Variants in ADGRB3 observed in about 807,000 individuals in gnomAD.
The protein encoded by ADGRB3 is adhesion G protein-coupled receptor B3.
In ADGRB3, 37 loss-of-function variants were observed where a neutral mutation model predicts 193.4. That is an observed-to-expected ratio of 0.19 (90% CI 0.15 to 0.25). The LOEUF (loss-of-function observed/expected upper bound fraction) is 0.25. Ranked by LOEUF, ADGRB3 falls within the 10% of genes least tolerant of loss-of-function variation. ADGRB3 has a pLI of 1.00. For missense variants in ADGRB3, 1,637 were observed against 1,852.9 expected, an observed-to-expected ratio of 0.88 and a Z score of 2.14; for synonymous variants, 690 against 644.2, an observed-to-expected ratio of 1.07 and a Z score of -1.08.
At chr6:69,045,582 A>G in intron 13 of ADGRB3, among the ~76,000 whole-genome samples, 1 of 152,152 alleles carries the variant, frequency 6.6e-6, no homozygotes, top group East Asian at 1.9e-4. Flanking sequence ...TAGCTATACC[A>G]CAATGTATAC....
chr6:69,207,046 A>G (rs998044187), intron 17 of ADGRB3, among the ~76,000 whole-genome samples: 1 of 152,154 alleles, frequency 6.6e-6, no homozygotes, highest in Non-Finnish European at 1.5e-5. Context: ...GACTGATTTC[A>G]TCTTGATAGT....
chr6:68,786,506 G>A (rs1254642146), intron 3 of ADGRB3, among the ~76,000 whole-genome samples: 1 of 151,986 alleles, frequency 6.6e-6, no homozygotes, highest in African/African-American at 2.4e-5. Flanking sequence ...CTGTTCCATT[G>A]GTCTATATCT....
intron 3 of ADGRB3, among the ~76,000 whole-genome samples, chr6:68,883,397 C>G (rs1208841332): frequency 6.6e-6 from 1 of 152,176 alleles, no homozygotes; most frequent in Non-Finnish European, 1.5e-5. Flanking sequence ...CAGGCTGCAG[C>G]ACCAGCTGCG....
At chr6:68,927,664 G>A (rs990728899) in intron 3 of ADGRB3, among the ~76,000 whole-genome samples, 2 of 151,922 alleles carry the variant, frequency 1.3e-5, no homozygotes, top group African/African-American at 4.8e-5. Context: ...TTAGGTAATA[G>A]TTTATATATT....
intron 20 of ADGRB3, among the ~76,000 whole-genome samples, chr6:69,261,969 G>A (rs1423102563): frequency 1.3e-5 from 2 of 151,988 alleles, no homozygotes; most frequent in Non-Finnish European, 2.9e-5. Flanking sequence ...CAGGTTACAA[G>A]CATAATCAAC....
intron 3 of ADGRB3, among the ~76,000 whole-genome samples, chr6:68,652,837 A>G (rs1481023117): frequency 1.3e-5 from 2 of 152,136 alleles, no homozygotes; most frequent in East Asian, 3.9e-4. Context: ...TTTACACATA[A>G]TGAATATCCT....
At chr6:69,021,274 A>AT (rs1770255346) in intron 13 of ADGRB3, among the ~76,000 whole-genome samples, 1 of 151,868 alleles carries the variant, frequency 6.6e-6, no homozygotes. Flanking sequence ...ATTATAAATT[A>AT]TTTTTTCATA....
rs771355385 is a variant in ADGRB3 at position 69,324,921 on chromosome 6, C to T, written c.2864C>T (p.Ser955Leu). The T allele has an allele frequency of 6.2e-7, 1 of 1,613,890 alleles. No homozygotes were observed. ...TAFLHFFFLA[S>L]FCWVLTEAWQ... ...TTTTTGCACTTTTTCTTCCTGGCTT[C>T]ATTCTGTTGGGTTTTGACTGAGGCG... Residue 955 changes from serine to leucine, a missense_variant, in exon 21 of 32, where the codon TCA becomes TTA. Around this residue, in one of 7 missense-constraint regions of ADGRB3, gnomAD observed 87 missense variants for 161.0 expected, o/e 0.54. Coordinates refer to ENST00000370598, the MANE Select transcript of ADGRB3 (RefSeq NM_001704.3).
At chr6:68,912,701 T>A (rs2150238094) in intron 3 of ADGRB3, among the ~76,000 whole-genome samples, 1 of 152,296 alleles carries the variant, frequency 6.6e-6, no homozygotes, top group South Asian at 2.1e-4. Flanking sequence ...CATGAACTCA[T>A]CATTTTTTAT....
At chr6:69,118,636 G>A (rs780324161) in intron 17 of ADGRB3, among the ~76,000 whole-genome samples, 4 of 151,520 alleles carry the variant, frequency 2.6e-5, no homozygotes, top group Non-Finnish European at 5.9e-5. Flanking sequence ...TGTAGTAGAG[G>A]GTGTCACACT....
intron 17 of ADGRB3, among the ~76,000 whole-genome samples, chr6:69,124,621 C>CAAGA (rs1335205157): frequency 6.6e-6 from 1 of 152,152 alleles, no homozygotes; most frequent in Non-Finnish European, 1.5e-5. Context: ...CAGTCTTCTT[C>CAAGA]AGTCTATTAT....
intron 3 of ADGRB3, among the ~76,000 whole-genome samples, chr6:68,920,131 T>G (rs12198022): frequency 6.6e-6 from 1 of 151,946 alleles, no homozygotes. Flanking sequence ...GTCCTTGTAC[T>G]GAAGGGGAAC....
intron 17 of ADGRB3, among the ~76,000 whole-genome samples, chr6:69,219,182 A>G (rs1195727587): frequency 1.3e-5 from 2 of 151,980 alleles, no homozygotes; most frequent in East Asian, 1.9e-4. Flanking sequence ...CCCTGAGAAT[A>G]AACAATCTTT....
intron 3 of ADGRB3, among the ~76,000 whole-genome samples, chr6:68,701,550 GA>G (rs1419231966): frequency 6.6e-6 from 1 of 152,186 alleles, no homozygotes; most frequent in African/African-American, 2.4e-5. Context: ...AATCAGAGGA[GA>G]AAAGTTTGCA....
intron 3 of ADGRB3, among the ~76,000 whole-genome samples, chr6:68,853,381 A>G (rs1768444303): frequency 6.6e-6 from 1 of 152,086 alleles, no homozygotes; most frequent in Non-Finnish European, 1.5e-5. Flanking sequence ...GTTGAAATAA[A>G]TGAATGGTTT....
intron 3 of ADGRB3, among the ~76,000 whole-genome samples, chr6:68,888,167 A>G (rs1330565224): frequency 6.6e-6 from 1 of 152,150 alleles, no homozygotes; most frequent in African/African-American, 2.4e-5. Flanking sequence ...CTCATGGAAC[A>G]ATCAAGTTAG....
chr6:69,248,987 C>CT (rs1349649728), intron 20 of ADGRB3, among the ~76,000 whole-genome samples: 20 of 151,784 alleles, frequency 1.3e-4, no homozygotes, highest in Admixed American at 2.6e-4. Flanking sequence ...TCTTCTTTTT[C>CT]TTTTTTTTGA....
chr6:69,103,273 A>G (rs1012208961), intron 17 of ADGRB3, among the ~76,000 whole-genome samples: 6 of 152,308 alleles, frequency 3.9e-5, no homozygotes, highest in South Asian at 2.1e-4. Flanking sequence ...ATGGGTTATA[A>G]CTATGCAATT....
intron 20 of ADGRB3, among the ~76,000 whole-genome samples, chr6:69,261,480 A>T (rs1467828734): frequency 6.6e-6 from 1 of 152,090 alleles, no homozygotes; most frequent in African/African-American, 2.4e-5. Context: ...AAATATACTA[A>T]TTTCTGTATA....
Sources: allele counts gnomAD v4.1 joint callset (sites outside exome capture counted in the v4.1 genomes callset), GRCh38; gene constraint gnomAD v4.1.1; regional missense constraint gnomAD v4.1.1; transcripts MANE v1.5; gene names NCBI Gene and HGNC (gene_info 2026-07-23, HGNC 2026-07-21).